Variants in GGCX observed in about 807,000 individuals in gnomAD.
The protein encoded by GGCX is gamma-glutamyl carboxylase, also known as vitamin K-dependent gamma-carboxylase.
GGCX carries 63 observed loss-of-function variants against 88.5 expected under a neutral mutation model. The observed-to-expected ratio is 0.71, with a 90% CI of 0.58 to 0.88. The LOEUF (loss-of-function observed/expected upper bound fraction) is 0.88, where lower values mean the gene tolerates loss of function less well. Among genes scored for constraint, GGCX ranks in the 40% least tolerant of loss-of-function variants. The probability of loss-of-function intolerance (pLI) is 0.00; values close to 1 mark genes in which losing one functional copy is unlikely to be tolerated. For missense variants in GGCX, 805 were observed against 932.9 expected (o/e 0.86, Z 1.79); for synonymous variants, 368 against 365.8 (o/e 1.01, Z -0.07).
At position 85,554,320 on chromosome 2, in the gene GGCX, G is replaced by C; in HGVS notation, c.726-14C>G. On this transcript the variant is annotated splice_polypyrimidine_tract_variant and intron_variant, in intron 6 of 14. Transcript: ENST00000233838. ...GACAACAGCAGTCTGCAAACACATG[G>C]AGAAAGTTCAAGCACCAGCCCACTG... is the stretch of plus-strand genomic sequence containing the variant. The C allele has an allele frequency of 6.2e-7, 1 of 1,613,210 alleles. No homozygotes were observed. Among genetic ancestry groups the C allele is most frequent in the Non-Finnish European group, 8.5e-7 (1 of 1,179,510 alleles).
Position 85,560,870 on chromosome 2 carries a change from G to T in GGCX, c.159C>A (p.Thr53=), listed in dbSNP as rs61733104. ...TDLSSWRRLV[T]LLNRPTDPAS... ...CAGGGTCCGTTGGTCGATTCAGCAG[G>T]GTCACCAGCCTCCGCCAACTGGACA... Residue 53 remains threonine (T), a synonymous_variant, in exon 2 of 15, where the codon ACC becomes ACA. Coordinates refer to ENST00000233838, the MANE Select transcript of GGCX (RefSeq NM_000821.7). The T allele has an allele frequency of 1.5e-4, 244 of 1,614,076 alleles. 1 individual carries two copies. In the African/African-American group the frequency reaches 2.8e-3, roughly 19 times the overall value.
rs764541455 is a variant in GGCX, at chr2:85,561,452, G to A, written c.-24C>T. ...ATTGCTCTGCGGAGGAGGCAGGTGG[G>A]TCACAGCTGCCGCGTCTGAACGGAG... On this transcript the variant is annotated 5_prime_UTR_variant, in exon 1 of 15. Transcript: ENST00000233838. 15 of 1,554,096 alleles carry A rather than the reference G, an allele frequency of 9.7e-6. No homozygotes were observed. The highest frequency in any genetic ancestry group is 1.0e-5 in the Non-Finnish European group (12 of 1,144,830).
At chr2:85,550,327 AG>A (rs1320126614) in intron 14 of GGCX, among the ~76,000 whole-genome samples, 2 of 152,300 alleles carry the variant, frequency 1.3e-5, no homozygotes, top group East Asian at 3.9e-4. Flanking sequence ...AGGATAGGGT[AG>A]GAACAGCCCA....
rs1218227934 is a variant in GGCX, at chr2:85,545,400, G to A, written c.*4534C>T. On this transcript the variant is annotated 3_prime_UTR_variant, in exon 15 of 15. Coordinates refer to ENST00000233838, the MANE Select transcript of GGCX (RefSeq NM_000821.7). ...TAACATAGAAGTTGGAGGCTGTAGC[G>A]AACCATTATCAAGCCACTGCACTCC... 3.9e-5 allele frequency: 6 copies of A among 152,410 alleles called. No homozygotes were observed. Among genetic ancestry groups the A allele is most frequent in the Admixed American group, 6.5e-5 (1 of 15,276 alleles). The allele number at this position is 152,410 out of a possible 1,614,324, so 9.4% of individuals were successfully genotyped here.
intron 4 of GGCX, among the ~76,000 whole-genome samples, chr2:85,557,791 T>C (rs1021758939): frequency 1.3e-5 from 2 of 152,134 alleles, no homozygotes; most frequent in African/African-American, 2.4e-5. Context: ...TTAATGACTG[T>C]TAATGAATTC....
intron 4 of GGCX, among the ~76,000 whole-genome samples, chr2:85,556,626 A>G (rs1295546398): frequency 6.6e-6 from 1 of 151,854 alleles, no homozygotes; most frequent in Admixed American, 6.6e-5. Context: ...GCGGTGTATT[A>G]TCTTTAAAAA....
chr2:85,553,393 G>A lies in GGCX; in HGVS notation c.994C>T (p.Pro332Ser), dbSNP rs750270424. 2 of 1,614,196 alleles carry A rather than the reference G, an allele frequency of 1.2e-6. No homozygotes were observed. Among genetic ancestry groups the A allele is most frequent in the Admixed American group, 3.3e-5 (2 of 60,022 alleles). ...CTGGGCTGAGGGGCTGCCTTGAGGG[G>A]CAACAGTTGTTGCAACCTTCGGGGG... Reference protein sequence around the residue: ...YCPRRLQQLLPLKAAPQPSVS... With the variant: ...YCPRRLQQLLSLKAAPQPSVS... Residue 332 changes from proline to serine, a missense_variant, in exon 8 of 15, where the codon CCC becomes TCC. Physicochemically the swap from Pro to Ser is moderately conservative, Grantham distance 74 (BLOSUM62 -1). Transcript: ENST00000233838.
Position 85,556,267 on chromosome 2 carries a change from C to T in GGCX, c.540-7G>A, listed in dbSNP as rs762188854. On this transcript the variant is annotated splice_polypyrimidine_tract_variant and splice_region_variant and intron_variant, in intron 4 of 14. Coordinates refer to ENST00000233838, the MANE Select transcript of GGCX (RefSeq NM_000821.7). The stretch of plus-strand genomic sequence containing the variant: ...CAGCAGACCGTCCACAGACCTACAC[C>T]GAGGGAGGTAAACATTGAGGGGGGA... 2.5e-6 allele frequency: 4 copies of T among 1,593,844 alleles called. No homozygotes were observed. The highest frequency in any genetic ancestry group is 3.4e-6 in the Non-Finnish European group (4 of 1,161,578).
chr2:85,545,386 T>C lies in GGCX; in HGVS notation c.*4548A>G, dbSNP rs764686685. 12 of 152,628 alleles carry C rather than the reference T, an allele frequency of 7.9e-5. No homozygotes were observed. Among genetic ancestry groups the C allele is most frequent in the Non-Finnish European group, 1.8e-4 (12 of 68,024 alleles). The allele number at this position is 152,628 out of a possible 1,614,324, so 9.5% of individuals were successfully genotyped here. ...TAGGAGGATCACTTTAACATAGAAG[T>C]TGGAGGCTGTAGCGAACCATTATCA... On this transcript the variant is annotated 3_prime_UTR_variant, in exon 15 of 15. Coordinates refer to ENST00000233838, the MANE Select transcript of GGCX (RefSeq NM_000821.7).
At position 85,553,438 on chromosome 2, in the gene GGCX, G is replaced by A. The variant is rs763574311; in HGVS notation, c.949C>T (p.Arg317Trp). The change falls in exon 8 of 15, where the codon CGG becomes TGG. Residue 317 changes from arginine to tryptophan, a missense_variant. Transcript: ENST00000233838. ...CGGGGGCAGTAGGACACCAGCTTCC[G>A]AGGCCACTCAGGGGAGCAGAAGAGA... ...SPLFCSPEWP[R>W]KLVSYCPRRL... 10 of 1,613,884 alleles carry A rather than the reference G, an allele frequency of 6.2e-6. No individual in the cohort carries two copies. Among genetic ancestry groups the A allele is most frequent in the South Asian group, 5.5e-5 (5 of 91,094 alleles).
chr2:85,552,644 A>C, intron 9 of GGCX, 77 bp from the exon 10 acceptor site: 1 of 1,360,422 alleles, frequency 7.4e-7, no homozygotes, highest in Non-Finnish European at 1.1e-6. Context: ...CAATGGCACA[A>C]CGAGATCCCT....
chr2:85,556,301 AT>A, intron 4 of GGCX, 41 bp from the exon 5 acceptor site: 7 of 1,169,152 alleles, frequency 6.0e-6, no homozygotes, highest in African/African-American at 1.5e-5. Flanking sequence ...GAGCTGCTTA[AT>A]GCAGCTACAT....
chr2:85,553,850 C>G (rs1402630321), intron 7 of GGCX: 2 of 478,222 alleles, frequency 4.2e-6, no homozygotes, highest in African/African-American at 3.9e-5. Context: ...ATCCACCCAC[C>G]TCGGCCTCCC....
chr2:85,553,431 A>G lies in GGCX; in HGVS notation c.956T>C (p.Leu319Pro), dbSNP rs372264733. Reference sequence around the variant, plus strand: ...CAACCTTCGGGGGCAGTAGGACACCAGCTTCCGAGGCCACTCAGGGGAGCA... The same window carrying G: ...CAACCTTCGGGGGCAGTAGGACACCGGCTTCCGAGGCCACTCAGGGGAGCA... ...LFCSPEWPRK[L>P]VSYCPRRLQQ... Residue 319 changes from leucine to proline, a missense_variant, in exon 8 of 15, where the codon CTG becomes CCG. Transcript: ENST00000233838. The G allele has an allele frequency of 1.2e-6, 2 of 1,613,908 alleles. No homozygotes were observed. Among genetic ancestry groups the G allele is most frequent in the Non-Finnish European group, 1.7e-6 (2 of 1,179,954 alleles).
chr2:85,548,337 A>G lies in GGCX; in HGVS notation c.*1597T>C, dbSNP rs1458116664. ...GGCTAAGGTACAGAGCTGCCATTCA[A>G]TAATAAAGAATAAGGAAGTCTGAGT... On this transcript the variant is annotated 3_prime_UTR_variant, in exon 15 of 15. Transcript: ENST00000233838. The G allele has an allele frequency of 1.3e-5, 2 of 152,216 alleles. No individual in the cohort carries two copies. Among genetic ancestry groups the G allele is most frequent in the Non-Finnish European group, 2.9e-5 (2 of 68,038 alleles). The allele number at this position is 152,216 out of a possible 1,614,324, so 9.4% of individuals were successfully genotyped here.
chr2:85,551,526 A>G lies in GGCX; in HGVS notation c.1694T>C (p.Val565Ala). 6.2e-7 allele frequency: 1 copy of G among 1,614,022 alleles called. No homozygotes were observed. Among genetic ancestry groups the G allele is most frequent in the East Asian group, 2.2e-5 (1 of 44,886 alleles). The change falls in exon 12 of 15, where the codon GTG (valine) becomes GCG (alanine). Residue 565 changes from valine (V) to alanine (A), a missense_variant. By Grantham distance (64) the Val-to-Ala change is moderately conservative (BLOSUM62 0). Transcript: ENST00000233838. ...LLQGEVTVEL[V>A]AEQKNQTLRE... ...AAGAGTCTGGTTCTTCTGTTCTGCC[A>G]CAAGCTCCACAGTCACTTCCCCCTG...
intron 6 of GGCX, 128 bp from the exon 7 acceptor site, chr2:85,554,434 G>A: frequency 1.3e-6 from 1 of 798,568 alleles, no homozygotes; most frequent in Admixed American, 1.9e-5. Context: ...ATCCACCCAT[G>A]AAGACACTCC....
chr2:85,550,269 C>T lies in GGCX; in HGVS notation c.2085-143G>A, dbSNP rs1316984938. ...CTCCCCCCAAGTGACCCTCCATCTC[C>T]CAGCTGGAAGGGTACACCACTCTTT... On this transcript the variant is annotated intron_variant, in intron 14 of 14. Coordinates refer to ENST00000233838, the MANE Select transcript of GGCX (RefSeq NM_000821.7). The T allele has an allele frequency of 4.2e-6, 3 of 713,502 alleles. No individual in the cohort carries two copies. In the African/African-American group the frequency reaches 5.3e-5, roughly 13 times the overall value. 44.2% of individuals were successfully genotyped at this position (713,502 alleles called of 1,614,324 possible).
At position 85,548,989 on chromosome 2, in the gene GGCX, G is replaced by A. The variant is rs1691798898; in HGVS notation, c.*945C>T. On this transcript the variant is annotated 3_prime_UTR_variant, in exon 15 of 15. Coordinates refer to ENST00000233838, the MANE Select transcript of GGCX (RefSeq NM_000821.7). ...TCTCATAACTGCTAGTGAAACACTGGGTGTATATAGATAATAGGAACAAAG... is the reference window on the plus strand; with the variant it reads ...TCTCATAACTGCTAGTGAAACACTGAGTGTATATAGATAATAGGAACAAAG... The A allele has an allele frequency of 6.6e-6, 1 of 152,004 alleles. No homozygotes were observed. Among genetic ancestry groups the A allele is most frequent in the Non-Finnish European group, 1.5e-5 (1 of 67,990 alleles). The allele number at this position is 152,004 out of a possible 1,614,324, so 9.4% of individuals were successfully genotyped here.
Sources: gnomAD v4.1 joint callset for allele counts (sites outside exome capture counted in the v4.1 genomes callset) on GRCh38, gnomAD v4.1.1 for gene constraint, MANE v1.5 for transcripts, NCBI Gene and HGNC (gene_info 2026-07-23, HGNC 2026-07-21) for gene names.